Variants in DLGAP1 observed in about 807,000 individuals in gnomAD.
DLGAP1 encodes the protein DLG associated protein 1.
DLGAP1 carries 11 observed loss-of-function variants against 90.8 expected under a neutral mutation model. The observed-to-expected ratio is 0.12, with a 90% CI of 0.08 to 0.20. DLGAP1 has a LOEUF of 0.20. Among genes scored for constraint, DLGAP1 ranks in the 10% least tolerant of loss-of-function variants. The pLI is 1.00. For missense variants in DLGAP1, 1,050 were observed against 1,333.8 expected (o/e 0.79, Z 3.31); for synonymous variants, 558 against 540.7 (o/e 1.03, Z -0.44).
In DLGAP1 at chr18:3,822,185, T is replaced by C. The variant is rs573980587; in HGVS notation, c.958-7912A>G. 2.0e-5 allele frequency among the ~76,000 whole-genome samples: 3 copies of C among 152,324 alleles called. No individual in the cohort carries two copies. In the South Asian group the frequency reaches 6.2e-4, roughly 32 times the overall value. On this transcript the variant is annotated intron_variant, in intron 4 of 12. Coordinates refer to ENST00000315677, the MANE Select transcript of DLGAP1 (RefSeq NM_004746.4). ...AATTGGTGGAAAACTTAATTTGTTT[T>C]AGATTGCTTAAAATTACCTTTTAAG...
At chr18:3,782,633 G>A (rs34664292) in intron 5 of DLGAP1, among the ~76,000 whole-genome samples, 47,004 of 152,086 alleles carry the variant, frequency 0.31, 7,385 homozygotes, top group African/African-American at 0.34. Flanking sequence ...CCACCAAAAT[G>A]TTTTCACTGT....
intron 1 of DLGAP1, among the ~76,000 whole-genome samples, chr18:4,418,312 G>A (rs1246791831): frequency 6.6e-6 from 1 of 151,874 alleles, no homozygotes; most frequent in Non-Finnish European, 1.5e-5. Flanking sequence ...ATATAGAAAG[G>A]CAAAAAGTAA....
intron 2 of DLGAP1, among the ~76,000 whole-genome samples, chr18:4,134,435 T>C (rs953930853): frequency 7.2e-5 from 11 of 152,150 alleles, no homozygotes; most frequent in African/African-American, 2.7e-4. Flanking sequence ...TAGGCAGAAT[T>C]TTCCATACCT....
At chr18:4,401,218 A>C (rs1381347564) in intron 1 of DLGAP1, among the ~76,000 whole-genome samples, 1 of 152,180 alleles carries the variant, frequency 6.6e-6, no homozygotes. Flanking sequence ...TCACAACACA[A>C]AACTCCTTTG....
At chr18:3,760,922 A>C (rs2063936161) in intron 5 of DLGAP1, among the ~76,000 whole-genome samples, 1 of 152,170 alleles carries the variant, frequency 6.6e-6, no homozygotes, top group Non-Finnish European at 1.5e-5. Context: ...CTGGTTCATC[A>C]GTCTGAGTTT....
At chr18:3,938,365 G>A (rs548912312) in intron 3 of DLGAP1, among the ~76,000 whole-genome samples, 1 of 152,278 alleles carries the variant, frequency 6.6e-6, no homozygotes, top group Non-Finnish European at 1.5e-5. Flanking sequence ...AGGGCCTGGG[G>A]AGAAGAAGTG....
At chr18:3,575,825 T>A (rs568401717) in intron 8 of DLGAP1, among the ~76,000 whole-genome samples, 1 of 152,278 alleles carries the variant, frequency 6.6e-6, no homozygotes, top group South Asian at 2.1e-4. Flanking sequence ...AAACACCAGA[T>A]AAAGTACTTG....
chr18:3,919,576 AT>A (rs200347032), intron 3 of DLGAP1, among the ~76,000 whole-genome samples: 1,584 of 152,326 alleles, frequency 0.01, 20 homozygotes, highest in Non-Finnish European at 0.016. Flanking sequence ...TCAAGGTAGA[AT>A]TCTTGAGTCA....
At chr18:4,371,086 G>A (rs1450721485) in intron 1 of DLGAP1, among the ~76,000 whole-genome samples, 2 of 152,198 alleles carry the variant, frequency 1.3e-5, no homozygotes, top group African/African-American at 4.8e-5. Flanking sequence ...CAGTAGAGAA[G>A]AGCAGTTGTT....
chr18:4,251,990 G>A (rs1465327929), intron 1 of DLGAP1, among the ~76,000 whole-genome samples: 3 of 152,216 alleles, frequency 2.0e-5, no homozygotes, highest in Non-Finnish European at 2.9e-5. Flanking sequence ...CTGGCTCTCC[G>A]TGAGCTCTGG....
At chr18:4,365,128 T>C (rs962431903) in intron 1 of DLGAP1, among the ~76,000 whole-genome samples, 5 of 152,316 alleles carry the variant, frequency 3.3e-5, no homozygotes, top group African/African-American at 1.2e-4. Flanking sequence ...TAATATTCCT[T>C]GTGAACAGCC....
At chr18:4,438,160 C>G (rs570136380) in intron 1 of DLGAP1, among the ~76,000 whole-genome samples, 1 of 152,100 alleles carries the variant, frequency 6.6e-6, no homozygotes, top group Non-Finnish European at 1.5e-5. Context: ...CACTTGTATA[C>G]TTATTATGAC....
intron 1 of DLGAP1, among the ~76,000 whole-genome samples, chr18:4,269,256 GA>G (rs1413050308): frequency 1.3e-5 from 2 of 149,512 alleles, no homozygotes; most frequent in Non-Finnish European, 3.0e-5. Context: ...TTGACTCCCT[GA>G]AAGTATAAAT....
chr18:4,031,758 A>G lies in DLGAP1; in HGVS notation c.-158-26557T>C, dbSNP rs1313720486. ...TTCTTTGCAGTTTTTACCATAGGAA[A>G]TGATTGGAAGGAAACTAACATTTTC... On this transcript the variant is annotated intron_variant, in intron 2 of 12. Coordinates refer to ENST00000315677, the MANE Select transcript of DLGAP1 (RefSeq NM_004746.4). Among the ~76,000 whole-genome samples the G allele has an allele frequency of 9.9e-5, 15 of 152,252 alleles. 1 individual carries two copies. Among genetic ancestry groups the G allele is most frequent in the Admixed American group, 9.8e-4 (15 of 15,292 alleles).
intron 2 of DLGAP1, among the ~76,000 whole-genome samples, chr18:4,030,573 GT>G (rs1221015015): frequency 1.3e-5 from 2 of 151,912 alleles, no homozygotes; most frequent in Non-Finnish European, 2.9e-5. Context: ...TTGAGTGAAG[GT>G]TGCCAAGTGG....
At chr18:3,583,700 C>A (rs1017829752) in intron 7 of DLGAP1, among the ~76,000 whole-genome samples, 6 of 152,196 alleles carry the variant, frequency 3.9e-5, no homozygotes, top group African/African-American at 1.4e-4. Flanking sequence ...GTAATCCCAG[C>A]ACTTTGGGAG....
At chr18:4,400,553 A>T (rs549673418) in intron 1 of DLGAP1, among the ~76,000 whole-genome samples, 12 of 152,042 alleles carry the variant, frequency 7.9e-5, no homozygotes, top group Non-Finnish European at 1.8e-4. Flanking sequence ...TGTAAAGGAC[A>T]TGAAATAAAG....
At chr18:3,870,321 T>C (rs1013948245) in intron 4 of DLGAP1, among the ~76,000 whole-genome samples, 2 of 152,220 alleles carry the variant, frequency 1.3e-5, no homozygotes, top group African/African-American at 4.8e-5. Flanking sequence ...TCTACAGGCA[T>C]ACATGTGATA....
intron 8 of DLGAP1, among the ~76,000 whole-genome samples, chr18:3,574,779 T>TTTTTATTTTATTTTATTTTATTTTA (rs71366687): frequency 5.4e-4 from 76 of 140,976 alleles, no homozygotes; most frequent in African/African-American, 1.8e-3. Flanking sequence ...ATAATGTGCC[T>TTTTTATTTTATTTTATTTTATTTTA]TTTTATTTTA....
Sources: allele counts gnomAD v4.1 joint callset (sites outside exome capture counted in the v4.1 genomes callset), GRCh38; gene constraint gnomAD v4.1.1; transcripts MANE v1.5; gene names NCBI Gene and HGNC (gene_info 2026-07-23, HGNC 2026-07-21).